DNAJC5: variants seen among roughly 807,000 people sequenced by gnomAD.
DNAJC5 encodes DnaJ heat shock protein family (Hsp40) member C5.
Under a neutral mutation model 23.2 loss-of-function variants are expected in DNAJC5, and 1 was observed. That is an observed-to-expected ratio of 0.04 (90% CI 0.02 to 0.20). DNAJC5 has a LOEUF of 0.20. Among genes scored for constraint, DNAJC5 ranks in the 10% least tolerant of loss-of-function variants. The pLI is 1.00. For missense variants in DNAJC5, 180 were observed against 267.0 expected (o/e 0.67, Z 2.27); for synonymous variants, 136 against 120.0 (o/e 1.13, Z -0.87).
At chr20:63,918,251 G>T (rs1022111442) in intron 1 of DNAJC5, among the ~76,000 whole-genome samples, 1 of 152,180 alleles carries the variant, frequency 6.6e-6, no homozygotes, top group Admixed American at 6.5e-5. Context: ...GCACGATGCT[G>T]TGTGCCTATA....
In DNAJC5 at chr20:63,928,521, A is replaced by AGG. The variant is rs2053634605; in HGVS notation, c.107+69_107+70insGG. 7.5e-7 allele frequency: 1 copy of AGG among 1,331,494 alleles called. No individual in the cohort carries two copies. Among genetic ancestry groups the AGG allele is most frequent in the Non-Finnish European group, 1.1e-6 (1 of 925,966 alleles). 82.5% of individuals were successfully genotyped at this position (1,331,494 alleles called of 1,614,324 possible). On this transcript the variant is annotated intron_variant, in intron 2 of 4. Transcript: ENST00000360864. This position sits in a 1 kb window ranked among gnomAD's most constrained non-coding sequence, Gnocchi z 4.6. The stretch of plus-strand genomic sequence containing the variant: ...ACATGCCCCGTGTGGTTTAGTCTGC[A>AGG]TTTTACCAAGAACCATTGCACATAC...
chr20:63,898,441 G>C (rs914799182), intron 1 of DNAJC5, among the ~76,000 whole-genome samples: 1 of 152,146 alleles, frequency 6.6e-6, no homozygotes, highest in Non-Finnish European at 1.5e-5. Flanking sequence ...TCCTCGGGCT[G>C]GGTTGGAAAA....
chr20:63,899,794 G>A (rs896949349), intron 1 of DNAJC5, among the ~76,000 whole-genome samples: 2 of 151,764 alleles, frequency 1.3e-5, no homozygotes, highest in African/African-American at 2.4e-5. Context: ...TGTTAGCCAG[G>A]ATGGTCTCGA....
chr20:63,926,971 C>G (rs2053621425), intron 1 of DNAJC5, among the ~76,000 whole-genome samples: 1 of 152,242 alleles, frequency 6.6e-6, no homozygotes, highest in African/African-American at 2.4e-5. Context: ...CTTCTTTGAG[C>G]TACATGTTAG....
At chr20:63,911,054 A>G (rs991193378) in intron 1 of DNAJC5, among the ~76,000 whole-genome samples, 2 of 152,168 alleles carry the variant, frequency 1.3e-5, no homozygotes, top group African/African-American at 4.8e-5. Flanking sequence ...ACTGTATTCT[A>G]AGCATCAGTT....
Position 63,928,428 on chromosome 20 carries a change from C to T in DNAJC5, c.83C>T (p.Ser28Leu). ...CTTGGGTTGGACAAGAACGCAACCT[C>T]AGATGACATTAAAAAGTCCTATCGG... Reference protein sequence around the residue: ...HVLGLDKNATSDDIKKSYRKL... With the variant: ...HVLGLDKNATLDDIKKSYRKL... Residue 28 changes from serine (S) to leucine (L), a missense_variant, in exon 2 of 5, where the codon TCA (serine) becomes TTA (leucine). By Grantham distance (145) the Ser-to-Leu change is moderately radical (BLOSUM62 -2). This residue lies in a region of DNAJC5 where 77 missense variants were observed against 106.8 expected (regional missense o/e 0.72). Coordinates refer to ENST00000360864, the MANE Select transcript of DNAJC5 (RefSeq NM_025219.3). This position sits in a 1 kb window ranked among gnomAD's most constrained non-coding sequence, Gnocchi z 4.6. The T allele has an allele frequency of 6.2e-7, 1 of 1,614,084 alleles. No homozygotes were observed. The highest frequency in any genetic ancestry group is 8.5e-7 in the Non-Finnish European group (1 of 1,180,018).
At chr20:63,902,511 G>A (rs1325327793) in intron 1 of DNAJC5, among the ~76,000 whole-genome samples, 1 of 151,602 alleles carries the variant, frequency 6.6e-6, no homozygotes, top group Non-Finnish European at 1.5e-5. Flanking sequence ...TGGGATTACA[G>A]GCGTGTGCCA....
At chr20:63,899,052 C>T (rs1229803608) in intron 1 of DNAJC5, among the ~76,000 whole-genome samples, 1 of 152,182 alleles carries the variant, frequency 6.6e-6, no homozygotes, top group Non-Finnish European at 1.5e-5. Flanking sequence ...GATCAGGGCT[C>T]ACGTGACTGG....
In DNAJC5 at chr20:63,933,430, G is replaced by A. The variant is rs2053691047; in HGVS notation, c.*1862G>A. The A allele has an allele frequency of 6.6e-6, 1 of 152,356 alleles. No individual in the cohort carries two copies. The highest frequency in any genetic ancestry group is 6.5e-5 in the Admixed American group (1 of 15,280). The allele number at this position is 152,356 out of a possible 1,614,324, so 9.4% of individuals were successfully genotyped here. A position where few individuals can be genotyped will look rare whatever the true frequency, so the allele number is the denominator to read the frequency against. On this transcript the variant is annotated 3_prime_UTR_variant, in exon 5 of 5. Coordinates refer to ENST00000360864, the MANE Select transcript of DNAJC5 (RefSeq NM_025219.3). Reference sequence around the variant, plus strand: ...GGCTGCCAGCACTAGGTCCTGGGCAGCTTTGTTTGTCCCACTTTTCTTTGT... The same window carrying A: ...GGCTGCCAGCACTAGGTCCTGGGCAACTTTGTTTGTCCCACTTTTCTTTGT...
chr20:63,930,974 T>C lies in DNAJC5; in HGVS notation c.445T>C (p.Tyr149His). Residue 149 changes from tyrosine to histidine, a missense_variant, in exon 4 of 5, where the codon TAC (tyrosine) becomes CAC (histidine). Around this residue, in one of 3 missense-constraint regions of DNAJC5, gnomAD observed 97 missense variants for 123.4 expected, o/e 0.79. Coordinates refer to ENST00000360864, the MANE Select transcript of DNAJC5 (RefSeq NM_025219.3). The stretch of plus-strand genomic sequence containing the variant: ...GCCTGAAGGCGAGGAGACGGAGTTC[T>C]ACGTGTCCCCCGAGGATCTGGAGGC... ...KAPEGEETEFYVSPEDLEAQL... is the reference protein window; with the variant it reads ...KAPEGEETEFHVSPEDLEAQL... 1 of 1,614,162 alleles carries C rather than the reference T, an allele frequency of 6.2e-7. No individual in the cohort carries two copies. The highest frequency in any genetic ancestry group is 1.3e-5 in the African/African-American group (1 of 75,082).
At position 63,933,776 on chromosome 20, in the gene DNAJC5, C is replaced by T. The variant is rs11554631; in HGVS notation, c.*2208C>T. 9,099 of 152,458 alleles carry T rather than the reference C, an allele frequency of 0.06. 454 individuals are homozygous for T. Among genetic ancestry groups the T allele is most frequent in the Non-Finnish European group, 0.079 (5,380 of 68,046 alleles). The allele number at this position is 152,458 out of a possible 1,614,324, so 9.4% of individuals were successfully genotyped here. A position where few individuals can be genotyped will look rare whatever the true frequency, so the allele number is the denominator to read the frequency against. The stretch of plus-strand genomic sequence containing the variant: ...GGACCTAAGGTAGAAAGCTGCCCAT[C>T]GGGGGCCCTAGCTCAGCCCCACCAG... On this transcript the variant is annotated 3_prime_UTR_variant, in exon 5 of 5. Coordinates refer to ENST00000360864, the MANE Select transcript of DNAJC5 (RefSeq NM_025219.3).
intron 1 of DNAJC5, among the ~76,000 whole-genome samples, chr20:63,904,500 C>G (rs952915708): frequency 2.0e-5 from 3 of 152,212 alleles, no homozygotes; most frequent in African/African-American, 4.8e-5. Context: ...CACATAGAAT[C>G]TGAAGTGGCC....
chr20:63,918,633 T>C (rs1162265612), intron 1 of DNAJC5, among the ~76,000 whole-genome samples: 1 of 152,272 alleles, frequency 6.6e-6, no homozygotes, highest in East Asian at 1.9e-4. Context: ...TCTCGCTCTG[T>C]CACCCATGCT....
At chr20:63,908,037 A>G (rs1306907816) in intron 1 of DNAJC5, among the ~76,000 whole-genome samples, 1 of 152,190 alleles carries the variant, frequency 6.6e-6, no homozygotes, top group Admixed American at 6.5e-5. Flanking sequence ...AAGTGCTGGG[A>G]TTACAGGCGT....
In DNAJC5 at chr20:63,928,263, A is replaced by G; in HGVS notation, c.-11-72A>G. 1 of 1,256,850 alleles carries G rather than the reference A, an allele frequency of 8.0e-7. No individual in the cohort carries two copies. The highest frequency in any genetic ancestry group is 1.2e-6 in the Non-Finnish European group (1 of 869,486). The allele number at this position is 1,256,850 out of a possible 1,614,324, so 77.9% of individuals were successfully genotyped here. Reference sequence around the variant, plus strand: ...TTTGCTTTGAACGGTCTTATGGAATAAAGTCCATCAGCTCTGCCCTTGGTA... The same window carrying G: ...TTTGCTTTGAACGGTCTTATGGAATGAAGTCCATCAGCTCTGCCCTTGGTA... On this transcript the variant is annotated intron_variant, in intron 1 of 4. Coordinates refer to ENST00000360864, the MANE Select transcript of DNAJC5 (RefSeq NM_025219.3). This position sits in a 1 kb window ranked among gnomAD's most constrained non-coding sequence, Gnocchi z 4.6.
At chr20:63,924,483 C>T (rs2053595922) in intron 1 of DNAJC5, among the ~76,000 whole-genome samples, 1 of 152,196 alleles carries the variant, frequency 6.6e-6, no homozygotes. Flanking sequence ...AGCTTCTGGG[C>T]TCAGCCATCC....
chr20:63,911,443 A>T (rs895313178), intron 1 of DNAJC5, among the ~76,000 whole-genome samples: 2 of 152,216 alleles, frequency 1.3e-5, no homozygotes, highest in African/African-American at 4.8e-5. Context: ...GAAAAGGGCC[A>T]GCTGCCCTGC....
chr20:63,923,277 A>G lies in DNAJC5; in HGVS notation c.-11-5058A>G, dbSNP rs115944773. 2.3e-3 allele frequency among the ~76,000 whole-genome samples: 353 copies of G among 152,196 alleles called. 1 individual carries two copies. Among genetic ancestry groups the G allele is most frequent in the African/African-American group, 7.5e-3 (313 of 41,548 alleles). On this transcript the variant is annotated intron_variant, in intron 1 of 4. Coordinates refer to ENST00000360864, the MANE Select transcript of DNAJC5 (RefSeq NM_025219.3). ...GGCAACAAAGCCAGACCGTGTCTCT[A>G]TAGAAAATTTTAAAGTTAGCTGGGC... is the stretch of plus-strand genomic sequence containing the variant.
At chr20:63,898,128 C>T (rs948772303) in intron 1 of DNAJC5, among the ~76,000 whole-genome samples, 3 of 152,202 alleles carry the variant, frequency 2.0e-5, no homozygotes, top group African/African-American at 7.2e-5. Flanking sequence ...CAGGTTTCTT[C>T]TAAGTATTTG....
Sources: gnomAD v4.1 joint callset for allele counts (sites outside exome capture counted in the v4.1 genomes callset) on GRCh38, gnomAD v4.1.1 for gene constraint, gnomAD v4.1.1 regional missense constraint, Gnocchi (gnomAD v3.1) non-coding constraint, MANE v1.5 for transcripts, NCBI Gene and HGNC (gene_info 2026-07-23, HGNC 2026-07-21) for gene names.